The following GPC5 variants were observed in gnomAD, a reference collection of about 807,000 sequenced individuals.
GPC5 encodes glypican 5.
In GPC5, 47 loss-of-function variants were observed where a neutral mutation model predicts 53.9. The ratio of observed to expected loss-of-function variants is 0.87; its 90% CI spans 0.69 to 1.11. The LOEUF is 1.11. Ranked by LOEUF, GPC5 falls within the 50% of genes most tolerant of loss-of-function variation. The probability of loss-of-function intolerance (pLI) is 0.00; values close to 1 mark genes in which losing one functional copy is unlikely to be tolerated. For missense variants in GPC5, 748 were observed against 713.1 expected (o/e 1.05, Z -0.56); for synonymous variants, 286 against 263.3 (o/e 1.09, Z -0.84).
intron 7 of GPC5, chr13:92,446,783 G>C (rs1418453047): frequency 6.6e-6 from 1 of 152,006 alleles, no homozygotes; most frequent in Non-Finnish European, 1.5e-5. Context: ...CCACATCCTT[G>C]CCAGCATTTG....
At chr13:92,165,047 C>A (rs537841786) in intron 7 of GPC5, among the ~76,000 whole-genome samples, 1 of 152,160 alleles carries the variant, frequency 6.6e-6, no homozygotes, top group Admixed American at 6.5e-5. Context: ...CCCACAAAAC[C>A]GTCTTTCCCT....
At chr13:91,594,259 T>C (rs1318604250) in intron 2 of GPC5, among the ~76,000 whole-genome samples, 4 of 152,228 alleles carry the variant, frequency 2.6e-5, no homozygotes, top group Admixed American at 2.6e-4. Flanking sequence ...CATGTGTCAA[T>C]AGTGTGTGGT....
At chr13:91,572,023 G>A (rs1273273463) in intron 2 of GPC5, among the ~76,000 whole-genome samples, 13 of 123,514 alleles carry the variant, frequency 1.1e-4, no homozygotes, top group African/African-American at 3.0e-4. Flanking sequence ...ATGCATATAC[G>A]TGTGTATATA....
chr13:91,494,225 T>C (rs901750022), intron 2 of GPC5, among the ~76,000 whole-genome samples: 1 of 151,872 alleles, frequency 6.6e-6, no homozygotes, highest in Admixed American at 6.6e-5. Flanking sequence ...GACCTGTTTG[T>C]GCCTCTTGCA....
chr13:91,939,091 C>T (rs1386877411), intron 6 of GPC5, among the ~76,000 whole-genome samples: 6 of 151,636 alleles, frequency 4.0e-5, no homozygotes, highest in African/African-American at 7.3e-5. Flanking sequence ...TTGCCTTTCT[C>T]GTAGTGCTGA....
chr13:91,845,773 A>G (rs576113785), intron 5 of GPC5, among the ~76,000 whole-genome samples: 1 of 152,158 alleles, frequency 6.6e-6, no homozygotes, highest in Non-Finnish European at 1.5e-5. Context: ...TAACCTAATA[A>G]TAACCCTTTT....
intron 6 of GPC5, among the ~76,000 whole-genome samples, chr13:91,989,080 A>T (rs1594708893): frequency 6.7e-6 from 1 of 149,546 alleles, no homozygotes; most frequent in Non-Finnish European, 1.5e-5. Flanking sequence ...ACTCCTCATT[A>T]CCCTCCGCTG....
chr13:91,543,020 C>G (rs4331217), intron 2 of GPC5, among the ~76,000 whole-genome samples: 1 of 152,066 alleles, frequency 6.6e-6, no homozygotes, highest in East Asian at 1.9e-4. Context: ...CCACGCCTGG[C>G]TAATTTTTTG....
At chr13:92,752,268 G>A (rs1194226172) in intron 7 of GPC5, among the ~76,000 whole-genome samples, 1 of 152,100 alleles carries the variant, frequency 6.6e-6, no homozygotes, top group Non-Finnish European at 1.5e-5. Context: ...CCACAGTTTT[G>A]TGACAATCCA....
intron 2 of GPC5, among the ~76,000 whole-genome samples, chr13:91,624,290 A>G (rs922677128): frequency 6.6e-6 from 1 of 152,172 alleles, no homozygotes; most frequent in Non-Finnish European, 1.5e-5. Context: ...AAAATGGTCA[A>G]AAGCACTTAC....
At chr13:92,556,134 G>GT (rs1339773455) in intron 7 of GPC5, among the ~76,000 whole-genome samples, 1 of 151,572 alleles carries the variant, frequency 6.6e-6, no homozygotes, top group Non-Finnish European at 1.5e-5. Flanking sequence ...TTTCTGTTTT[G>GT]TTTTTGTTTT....
chr13:91,478,946 T>C (rs1883153489), intron 2 of GPC5, among the ~76,000 whole-genome samples: 1 of 147,176 alleles, frequency 6.8e-6, no homozygotes, highest in Admixed American at 6.8e-5. Context: ...TGCAGTCTTG[T>C]TCTGTTACCC....
intron 1 of GPC5, among the ~76,000 whole-genome samples, chr13:91,444,372 C>T (rs79014217): frequency 0.051 from 7,719 of 152,070 alleles, 297 homozygotes; most frequent in East Asian, 0.18. Flanking sequence ...ATCATTCCAG[C>T]ATATTTTTTC....
intron 6 of GPC5, among the ~76,000 whole-genome samples, chr13:92,047,202 C>T (rs1431177343): frequency 5.9e-5 from 9 of 152,028 alleles, no homozygotes; most frequent in African/African-American, 1.9e-4. Flanking sequence ...ACTACATTTA[C>T]GGCAAGATGG....
chr13:91,426,469 C>A (rs528236968), intron 1 of GPC5, among the ~76,000 whole-genome samples: 2 of 152,102 alleles, frequency 1.3e-5, no homozygotes, highest in Non-Finnish European at 2.9e-5. Flanking sequence ...AAGGTGAAGT[C>A]CCACAGTAGG....
In GPC5 at chr13:92,634,223, C is replaced by T. The variant is rs551338956; in HGVS notation, c.1562-232059C>T. ...GAATTTAATTACAATGTCATGCTGA[C>T]TTCATAAACATAATTCCAAGATTAC... On this transcript the variant is annotated intron_variant, in intron 7 of 7. Transcript: ENST00000377067. Among the ~76,000 whole-genome samples the T allele has an allele frequency of 3.9e-5, 6 of 152,138 alleles. No homozygotes were observed. The South Asian group carries it at 1.2e-3, about 31-fold the overall frequency.
chr13:92,405,189 C>T (rs1231939328), intron 7 of GPC5, among the ~76,000 whole-genome samples: 2 of 152,174 alleles, frequency 1.3e-5, no homozygotes, highest in African/African-American at 2.4e-5. Flanking sequence ...CAGCTGAGAA[C>T]ACAAGGCAAA....
intron 5 of GPC5, 50 bp from the exon 6 acceptor site, chr13:91,907,887 T>C: frequency 6.3e-7 from 1 of 1,578,830 alleles, no homozygotes; most frequent in South Asian, 1.1e-5. Context: ...CTGTGACAGA[T>C]AATACCCTGA....
intron 7 of GPC5, among the ~76,000 whole-genome samples, chr13:92,572,986 A>C (rs1405843069): frequency 6.6e-6 from 1 of 152,244 alleles, no homozygotes; most frequent in African/African-American, 2.4e-5. Context: ...TTCATTTTTC[A>C]AAATAAAAAA....
Sources: allele counts gnomAD v4.1 joint callset (sites outside exome capture counted in the v4.1 genomes callset), GRCh38; gene constraint gnomAD v4.1.1; transcripts MANE v1.5; gene names NCBI Gene and HGNC (gene_info 2026-07-23, HGNC 2026-07-21).